The following VPS13B variants were observed in gnomAD, a reference collection of about 807,000 sequenced individuals.
The protein encoded by VPS13B is vacuolar protein sorting 13 homolog B.
Under a neutral mutation model 426.4 loss-of-function variants are expected in VPS13B, and 285 were observed. The ratio of observed to expected loss-of-function variants is 0.67; its 90% CI spans 0.61 to 0.74. The LOEUF is 0.74. VPS13B is among the 30% of genes least tolerant of loss of function. The pLI, the probability that VPS13B is intolerant of heterozygous loss-of-function variation, is 0.00. For synonymous variants in VPS13B, 1,676 were observed against 1,676.4 expected, an observed-to-expected ratio of 1.00 and a Z score of 0.01; for missense variants, 4,537 against 4,782.6, an observed-to-expected ratio of 0.95 and a Z score of 1.51.
intron 50 of VPS13B, among the ~76,000 whole-genome samples, chr8:99,823,628 A>C (rs1465416293): frequency 6.6e-6 from 1 of 152,236 alleles, no homozygotes; most frequent in Non-Finnish European, 1.5e-5. Flanking sequence ...CTGCTAAAGC[A>C]CCATGTTGTA....
At chr8:99,146,982 C>T (rs891683652) in intron 13 of VPS13B, among the ~76,000 whole-genome samples, 5 of 152,018 alleles carry the variant, frequency 3.3e-5, no homozygotes, top group Admixed American at 1.3e-4. Context: ...ACCCAGATTC[C>T]TTCTATTTTA....
chr8:99,585,232 T>C (rs1826246751), intron 33 of VPS13B, among the ~76,000 whole-genome samples: 1 of 152,154 alleles, frequency 6.6e-6, no homozygotes, highest in Non-Finnish European at 1.5e-5. Flanking sequence ...GAAGATACAC[T>C]AAGAAGTGTA....
intron 6 of VPS13B, among the ~76,000 whole-genome samples, chr8:99,114,867 A>G (rs1270769203): frequency 1.3e-5 from 2 of 152,334 alleles, no homozygotes; most frequent in Admixed American, 6.5e-5. Flanking sequence ...ACTTTATGGC[A>G]TAATTGGTTT....
chr8:99,522,576 T>A (rs1252818422), intron 30 of VPS13B, among the ~76,000 whole-genome samples: 1 of 151,000 alleles, frequency 6.6e-6, no homozygotes, highest in Non-Finnish European at 1.5e-5. Context: ...CCTTTTATTC[T>A]TTTTTTTTGC....
intron 60 of VPS13B, 78 bp downstream of exon 60, chr8:99,870,965 G>C (rs1397881522): frequency 6.9e-7 from 1 of 1,439,254 alleles, no homozygotes; most frequent in Non-Finnish European, 9.7e-7. Context: ...TCAAGCTAAT[G>C]GGCCATGCTT....
rs1847925535 is a variant in VPS13B at position 99,121,376 on chromosome 8, A to G, written c.1137A>G (p.Lys379=). 2 of 1,614,092 alleles carry G rather than the reference A, an allele frequency of 1.2e-6. No individual in the cohort carries two copies. Among genetic ancestry groups the G allele is most frequent in the Middle Eastern group, 1.6e-4 (1 of 6,084 alleles). ...NDPASTMHQQ[K]AQTLKDPIVS... is the part of the protein sequence containing the mutation. ...CTGCATCAACCATGCATCAACAAAA[A>G]GCACAGACTTTGAAGGATCCTATTG... Residue 379 remains lysine (K), a synonymous_variant, in exon 8 of 62, where the codon AAA becomes AAG. Coordinates refer to ENST00000357162, the MANE Select transcript of VPS13B (RefSeq NM_152564.5).
intron 51 of VPS13B, 23 bp downstream of exon 51, chr8:99,824,001 T>C: frequency 6.2e-7 from 1 of 1,608,508 alleles, no homozygotes; most frequent in Non-Finnish European, 8.5e-7. Flanking sequence ...TAACGATTCT[T>C]TTGTCTAAGT....
At chr8:99,439,333 G>C (rs557689447) in intron 22 of VPS13B, among the ~76,000 whole-genome samples, 1 of 152,238 alleles carries the variant, frequency 6.6e-6, no homozygotes, top group African/African-American at 2.4e-5. Flanking sequence ...TAAAGTTTAT[G>C]TTCTCGTGAG....
chr8:99,483,492 A>C (rs756642197), intron 25 of VPS13B, among the ~76,000 whole-genome samples: 1 of 152,188 alleles, frequency 6.6e-6, no homozygotes, highest in Non-Finnish European at 1.5e-5. Context: ...CTTAACCAAA[A>C]GTTCATCTTT....
chr8:99,580,889 A>G (rs1247527510), intron 33 of VPS13B, among the ~76,000 whole-genome samples: 4 of 151,338 alleles, frequency 2.6e-5, no homozygotes, highest in African/African-American at 9.7e-5. Context: ...TTATTCAAGA[A>G]TAATATCACT....
At chr8:99,373,422 A>C (rs1287906085) in intron 19 of VPS13B, among the ~76,000 whole-genome samples, 2 of 152,238 alleles carry the variant, frequency 1.3e-5, no homozygotes, top group African/African-American at 4.8e-5. Context: ...TTGTGATTAT[A>C]AAGTCAGAGG....
At chr8:99,553,224 C>A (rs1055328828) in intron 30 of VPS13B, among the ~76,000 whole-genome samples, 4 of 152,026 alleles carry the variant, frequency 2.6e-5, no homozygotes, top group Non-Finnish European at 5.9e-5. Context: ...TGGGAGACTT[C>A]CCAGCTTCTG....
intron 30 of VPS13B, among the ~76,000 whole-genome samples, chr8:99,528,519 T>G (rs1382222661): frequency 6.6e-6 from 1 of 152,070 alleles, no homozygotes; most frequent in Non-Finnish European, 1.5e-5. Context: ...GTAATTTCAT[T>G]GTAGTTCTGA....
chr8:99,593,524 A>G (rs1376893081), intron 33 of VPS13B, among the ~76,000 whole-genome samples: 1 of 152,162 alleles, frequency 6.6e-6, no homozygotes, highest in Non-Finnish European at 1.5e-5. Flanking sequence ...CTAGAGGCAG[A>G]AACACCATTT....
chr8:99,411,483 T>C (rs1815661305), intron 21 of VPS13B, among the ~76,000 whole-genome samples: 1 of 152,244 alleles, frequency 6.6e-6, no homozygotes, highest in East Asian at 1.9e-4. Flanking sequence ...TATGGATAGA[T>C]TGCAAAAAGT....
chr8:99,466,172 G>A (rs939874489), intron 23 of VPS13B, among the ~76,000 whole-genome samples: 2 of 151,904 alleles, frequency 1.3e-5, no homozygotes, highest in Admixed American at 6.6e-5. Flanking sequence ...ACCCATAGGG[G>A]AAAAAATATA....
intron 35 of VPS13B, among the ~76,000 whole-genome samples, chr8:99,691,884 G>T (rs1338910839): frequency 2.0e-5 from 3 of 146,590 alleles, no homozygotes; most frequent in African/African-American, 5.1e-5. Flanking sequence ...AAAGGCAGGG[G>T]TTGCAATCCT....
At chr8:99,583,762 A>G (rs1326050883) in intron 33 of VPS13B, among the ~76,000 whole-genome samples, 1 of 152,142 alleles carries the variant, frequency 6.6e-6, no homozygotes, top group Non-Finnish European at 1.5e-5. Context: ...AGGTAAGATG[A>G]GGGATATAGA....
intron 33 of VPS13B, among the ~76,000 whole-genome samples, chr8:99,578,172 CAAAG>C (rs1825865175): frequency 6.6e-6 from 1 of 152,132 alleles, no homozygotes; most frequent in African/African-American, 2.4e-5. Flanking sequence ...CAGCAAGAAA[CAAAG>C]AAAGCTATTT....
Sources: allele counts gnomAD v4.1 joint callset (sites outside exome capture counted in the v4.1 genomes callset), GRCh38; gene constraint gnomAD v4.1.1; transcripts MANE v1.5; gene names NCBI Gene and HGNC (gene_info 2026-07-23, HGNC 2026-07-21).